The following LRP1B variants were observed in gnomAD, a reference collection of about 807,000 sequenced individuals.
LRP1B encodes low-density lipoprotein receptor-related protein 1B.
In LRP1B, 217 loss-of-function variants were observed where a neutral mutation model predicts 556.6. The observed-to-expected ratio is 0.39, with a 90% CI of 0.35 to 0.44. LRP1B has a LOEUF of 0.44. Ranked by LOEUF, LRP1B falls within the 20% of genes least tolerant of loss-of-function variation. The pLI is 1.00. For synonymous variants in LRP1B, 2,047 were observed against 1,865.8 expected (o/e 1.10, Z -2.50); for missense variants, 5,053 against 5,620.8 (o/e 0.90, Z 3.23).
At chr2:141,544,961 G>C (rs1240754471) in intron 2 of LRP1B, among the ~76,000 whole-genome samples, 1 of 152,000 alleles carries the variant, frequency 6.6e-6, no homozygotes, top group East Asian at 1.9e-4. Context: ...CCAGCATACA[G>C]AGCCAAACCA....
At chr2:140,889,978 G>C (rs1483280067) in intron 23 of LRP1B, among the ~76,000 whole-genome samples, 2 of 152,008 alleles carry the variant, frequency 1.3e-5, no homozygotes, top group Non-Finnish European at 2.9e-5. Flanking sequence ...CTACAACATA[G>C]TTTGATATAG....
intron 1 of LRP1B, among the ~76,000 whole-genome samples, chr2:141,823,251 G>A (rs1696812972): frequency 6.6e-6 from 1 of 152,000 alleles, no homozygotes; most frequent in Admixed American, 6.6e-5. Context: ...GAAAAAAAAA[G>A]CTTGTGAAGA....
At chr2:140,586,962 A>C (rs1682009907) in intron 43 of LRP1B, among the ~76,000 whole-genome samples, 2 of 152,118 alleles carry the variant, frequency 1.3e-5, no homozygotes, top group Admixed American at 6.6e-5. Flanking sequence ...ATTTTTTTAA[A>C]AATAAAGGCT....
At chr2:141,532,616 G>A (rs945263803) in intron 2 of LRP1B, among the ~76,000 whole-genome samples, 4 of 151,984 alleles carry the variant, frequency 2.6e-5, no homozygotes, top group Non-Finnish European at 5.9e-5. Context: ...ATGCAAAAAT[G>A]AGTGTGCTGC....
intron 7 of LRP1B, among the ~76,000 whole-genome samples, chr2:141,157,270 T>G (rs1019801762): frequency 5.3e-5 from 8 of 152,052 alleles, no homozygotes; most frequent in South Asian, 2.1e-4. Flanking sequence ...TAATAACATA[T>G]GAACAGGTTT....
At chr2:140,829,600 A>T (rs1171638509) in intron 31 of LRP1B, among the ~76,000 whole-genome samples, 1 of 146,606 alleles carries the variant, frequency 6.8e-6, no homozygotes, top group African/African-American at 2.4e-5. Flanking sequence ...TTAGAAAAAC[A>T]TAACATACCA....
intron 11 of LRP1B, among the ~76,000 whole-genome samples, chr2:141,035,028 TA>T (rs1698489950): frequency 6.6e-6 from 1 of 151,954 alleles, no homozygotes; most frequent in African/African-American, 2.4e-5. Context: ...TATGCAGCCA[TA>T]AAAAATGATG....
At chr2:140,391,510 A>G (rs1684018733) in intron 66 of LRP1B, among the ~76,000 whole-genome samples, 1 of 152,156 alleles carries the variant, frequency 6.6e-6, no homozygotes, top group Non-Finnish European at 1.5e-5. Flanking sequence ...AGAGCTGTGT[A>G]CTTCATTTTG....
At chr2:140,829,070 A>T (rs985659933) in intron 31 of LRP1B, among the ~76,000 whole-genome samples, 1 of 152,180 alleles carries the variant, frequency 6.6e-6, no homozygotes, top group African/African-American at 2.4e-5. Context: ...TTAATTCAGT[A>T]GTAGGATTTA....
chr2:141,776,847 T>C (rs1321367888), intron 2 of LRP1B, among the ~76,000 whole-genome samples: 2 of 152,224 alleles, frequency 1.3e-5, no homozygotes, highest in African/African-American at 4.8e-5. Context: ...TAATAGATTA[T>C]AACAGCTTCC....
At chr2:141,266,438 C>T (rs2105360617) in intron 3 of LRP1B, among the ~76,000 whole-genome samples, 1 of 151,706 alleles carries the variant, frequency 6.6e-6, no homozygotes, top group East Asian at 1.9e-4. Context: ...GCTGTTTTCT[C>T]ATATATTTCT....
chr2:141,591,148 T>C (rs1687319571), intron 2 of LRP1B, among the ~76,000 whole-genome samples: 1 of 152,170 alleles, frequency 6.6e-6, no homozygotes. Flanking sequence ...GAAGTACGTC[T>C]GTAGTATCTC....
rs1203235856 is a variant in LRP1B, at chr2:141,211,304, T to TAAAAA, written c.850+17874_850+17878dup. 1.6e-3 allele frequency among the ~76,000 whole-genome samples: 237 copies of TAAAAA among 147,748 alleles called. 1 individual carries two copies. The highest frequency in any genetic ancestry group is 5.4e-3 in the African/African-American group (214 of 39,926). On this transcript the variant is annotated intron_variant, in intron 6 of 90. Coordinates refer to ENST00000389484, the MANE Select transcript of LRP1B (RefSeq NM_018557.3). ...TGCCCAGCCCATTTTTCTTTTTTTTTAAAAAAAAAAAACAAAACAAAAACT... is the reference window on the plus strand; with the variant it reads ...TGCCCAGCCCATTTTTCTTTTTTTTTAAAAAAAAAAAAAAAAACAAAACAAAAACT...
At chr2:141,179,669 C>T (rs1356379739) in intron 7 of LRP1B, among the ~76,000 whole-genome samples, 1 of 151,832 alleles carries the variant, frequency 6.6e-6, no homozygotes, top group African/African-American at 2.4e-5. Context: ...GACAAAACAA[C>T]CACCACCACC....
chr2:140,668,010 A>G (rs1685339659), intron 41 of LRP1B, among the ~76,000 whole-genome samples: 1 of 152,160 alleles, frequency 6.6e-6, no homozygotes, highest in Non-Finnish European at 1.5e-5. Flanking sequence ...GACTTCTTGT[A>G]GCTTAGAATG....
chr2:141,288,547 T>A (rs966505171), intron 3 of LRP1B, among the ~76,000 whole-genome samples: 1 of 152,118 alleles, frequency 6.6e-6, no homozygotes, highest in Admixed American at 6.5e-5. Context: ...ATAGGTACTT[T>A]CAGGGACATG....
chr2:141,094,991 A>G (rs1005070598), intron 7 of LRP1B, among the ~76,000 whole-genome samples: 1 of 152,170 alleles, frequency 6.6e-6, no homozygotes, highest in Admixed American at 6.5e-5. Context: ...GTGAGAGGTG[A>G]CTAGGCCAAG....
intron 41 of LRP1B, among the ~76,000 whole-genome samples, chr2:140,677,419 A>C (rs6711580): frequency 0.94 from 143,002 of 152,162 alleles, 67,492 homozygotes; most frequent in Non-Finnish European, 0.98. Context: ...GAGAAATGAG[A>C]ATTTTTGTAG....
At chr2:140,350,338 AAG>A (rs1011486462) in intron 77 of LRP1B, among the ~76,000 whole-genome samples, 1 of 152,068 alleles carries the variant, frequency 6.6e-6, no homozygotes, top group Admixed American at 6.6e-5. Context: ...CAGGAGTCAG[AAG>A]AAATGGTTAC....
Sources: allele counts gnomAD v4.1 joint callset (sites outside exome capture counted in the v4.1 genomes callset), GRCh38; gene constraint gnomAD v4.1.1; transcripts MANE v1.5; gene names NCBI Gene and HGNC (gene_info 2026-07-23, HGNC 2026-07-21).